The following MARCHF11 variants were observed in gnomAD, a reference collection of about 807,000 sequenced individuals.
The protein encoded by MARCHF11 is E3 ubiquitin-protein ligase MARCHF11.
MARCHF11 carries 29 observed loss-of-function variants against 37.3 expected under a neutral mutation model. The observed-to-expected ratio is 0.78, with a 90% CI of 0.58 to 1.06. The LOEUF (loss-of-function observed/expected upper bound fraction) is 1.06. Among genes scored for constraint, MARCHF11 ranks in the 50% least tolerant of loss-of-function variants. The pLI, the probability that MARCHF11 is intolerant of heterozygous loss-of-function variation, is 0.00. For missense variants in MARCHF11, 482 were observed against 533.4 expected (o/e 0.90, Z 0.95); for synonymous variants, 233 against 228.0 (o/e 1.02, Z -0.20).
At chr5:16,104,209 A>G (rs1325073671) in intron 2 of MARCHF11, among the ~76,000 whole-genome samples, 1 of 152,080 alleles carries the variant, frequency 6.6e-6, no homozygotes, top group Non-Finnish European at 1.5e-5. Context: ...TTTCCGCTCT[A>G]TAATTCCCTA....
intron 3 of MARCHF11, among the ~76,000 whole-genome samples, chr5:16,071,419 C>T (rs947393836): frequency 6.6e-6 from 1 of 152,032 alleles, no homozygotes; most frequent in East Asian, 1.9e-4. Flanking sequence ...CTTACTGAAG[C>T]GCAAAGAAAC....
intron 2 of MARCHF11, among the ~76,000 whole-genome samples, chr5:16,126,340 T>G (rs1392015889): frequency 6.6e-6 from 1 of 152,234 alleles, no homozygotes; most frequent in Non-Finnish European, 1.5e-5. Flanking sequence ...ATGCCAAGAA[T>G]GTATCATATA....
intron 2 of MARCHF11, among the ~76,000 whole-genome samples, chr5:16,117,701 C>A (rs970199312): frequency 6.6e-6 from 1 of 152,112 alleles, no homozygotes; most frequent in Non-Finnish European, 1.5e-5. Context: ...CAAGCCTGGG[C>A]AACATAGCAA....
At chr5:16,086,071 G>T (rs989392620) in intron 3 of MARCHF11, among the ~76,000 whole-genome samples, 2 of 150,054 alleles carry the variant, frequency 1.3e-5, no homozygotes, top group African/African-American at 4.9e-5. Flanking sequence ...GTCCCTAAAG[G>T]CAAAAATTGG....
intron 2 of MARCHF11, among the ~76,000 whole-genome samples, chr5:16,128,746 CTGTT>C (rs749846199): frequency 1.1e-4 from 17 of 152,230 alleles, no homozygotes; most frequent in Non-Finnish European, 1.8e-4. Flanking sequence ...CCAAACTTGA[CTGTT>C]TGTGTGTGTG....
chr5:16,111,141 C>T (rs544669375), intron 2 of MARCHF11, among the ~76,000 whole-genome samples: 1 of 152,216 alleles, frequency 6.6e-6, no homozygotes, highest in South Asian at 2.1e-4. Context: ...TGAAAACAGA[C>T]TAATACAGTA....
chr5:16,069,883 C>G (rs2126542155), intron 3 of MARCHF11, among the ~76,000 whole-genome samples: 1 of 152,210 alleles, frequency 6.6e-6, no homozygotes, highest in South Asian at 2.1e-4. Context: ...TGACACCTAC[C>G]TGATGTCAAA....
At chr5:16,152,654 C>T (rs1020468509) in intron 2 of MARCHF11, among the ~76,000 whole-genome samples, 1 of 151,904 alleles carries the variant, frequency 6.6e-6, no homozygotes, top group Non-Finnish European at 1.5e-5. Flanking sequence ...AATAAAGTGC[C>T]CTCTGATGAA....
At chr5:16,113,911 T>C (rs949235305) in intron 2 of MARCHF11, among the ~76,000 whole-genome samples, 1 of 152,166 alleles carries the variant, frequency 6.6e-6, no homozygotes. Flanking sequence ...CCCAAACCTA[T>C]CTCTTTGGGA....
At chr5:16,162,151 A>C (rs1738089745) in intron 2 of MARCHF11, among the ~76,000 whole-genome samples, 1 of 152,014 alleles carries the variant, frequency 6.6e-6, no homozygotes, top group Non-Finnish European at 1.5e-5. Flanking sequence ...TAAATAACTC[A>C]GGAGGAGCAA....
intron 2 of MARCHF11, among the ~76,000 whole-genome samples, chr5:16,101,059 C>T (rs1330449705): frequency 1.3e-5 from 2 of 151,612 alleles, no homozygotes; most frequent in Non-Finnish European, 2.9e-5. Flanking sequence ...ACCAAAGATT[C>T]TGTATCTCAC....
chr5:16,149,886 T>C (rs1013850318), intron 2 of MARCHF11, among the ~76,000 whole-genome samples: 1 of 152,038 alleles, frequency 6.6e-6, no homozygotes, highest in Non-Finnish European at 1.5e-5. Flanking sequence ...CACTCAACCA[T>C]GCAGATGAAT....
intron 3 of MARCHF11, among the ~76,000 whole-genome samples, chr5:16,080,275 A>G (rs1303343533): frequency 1.3e-5 from 2 of 152,062 alleles, no homozygotes; most frequent in African/African-American, 4.8e-5. Flanking sequence ...ACTGTTGGCC[A>G]CTTGCTCCTC....
intron 2 of MARCHF11, among the ~76,000 whole-genome samples, chr5:16,130,265 C>A (rs1450894633): frequency 6.6e-6 from 1 of 151,750 alleles, no homozygotes; most frequent in Non-Finnish European, 1.5e-5. Context: ...CACACACACA[C>A]ACACACACAC....
rs58891017 is a variant in MARCHF11, at chr5:16,151,649, ATGTGTGTGTGTG to A, written c.693+26065_693+26076del. ...GTGTGTGTGTGCATGCGTGAGTTGA[ATGTGTGTGTGTG>A]TGTGTGTGTGTGTGTGTGTGTGTGT... On this transcript the variant is annotated intron_variant, in intron 2 of 3. Coordinates refer to ENST00000332432, the MANE Select transcript of MARCHF11 (RefSeq NM_001102562.3). Among the ~76,000 whole-genome samples, 411 of 131,496 alleles carry A rather than the reference ATGTGTGTGTGTG, an allele frequency of 3.1e-3. 5 individuals are homozygous for A. The highest frequency in any genetic ancestry group is 9.8e-3 in the African/African-American group (342 of 34,734). 86.3% of individuals were successfully genotyped at this position (131,496 alleles called of 152,430 possible).
chr5:16,115,276 C>T (rs754784636), intron 2 of MARCHF11, among the ~76,000 whole-genome samples: 3 of 152,182 alleles, frequency 2.0e-5, no homozygotes, highest in African/African-American at 7.2e-5. Context: ...TCCTTCATAA[C>T]CCTTGCCCTA....
intron 3 of MARCHF11, among the ~76,000 whole-genome samples, chr5:16,078,412 A>G (rs1245532418): frequency 6.6e-6 from 1 of 152,104 alleles, no homozygotes. Flanking sequence ...TAAAAACCCT[A>G]TGTCAAATTC....
At chr5:16,078,744 C>G (rs1034122056) in intron 3 of MARCHF11, among the ~76,000 whole-genome samples, 1 of 152,162 alleles carries the variant, frequency 6.6e-6, no homozygotes, top group African/African-American at 2.4e-5. Flanking sequence ...GGTGGCTCTT[C>G]TTGTAATGGT....
chr5:16,102,526 AGAG>A (rs1180665631), intron 2 of MARCHF11, among the ~76,000 whole-genome samples: 1 of 152,150 alleles, frequency 6.6e-6, no homozygotes, highest in African/African-American at 2.4e-5. Context: ...CTGAATGTCT[AGAG>A]AAGCAGCAAT....
Sources: gnomAD v4.1 joint callset for allele counts (sites outside exome capture counted in the v4.1 genomes callset) on GRCh38, gnomAD v4.1.1 for gene constraint, MANE v1.5 for transcripts, NCBI Gene and HGNC (gene_info 2026-07-23, HGNC 2026-07-21) for gene names.